Variants in MTA3 observed in about 807,000 individuals in gnomAD.
The protein encoded by MTA3 is metastasis-associated protein MTA3.
MTA3 carries 34 observed loss-of-function variants against 83.5 expected under a neutral mutation model. The observed-to-expected ratio is 0.41, with a 90% CI of 0.31 to 0.54. MTA3 has a LOEUF of 0.54. Ranked by LOEUF, MTA3 falls within the 20% of genes least tolerant of loss-of-function variation. The probability of loss-of-function intolerance (pLI) is 0.33; values close to 1 mark genes in which losing one functional copy is unlikely to be tolerated. For synonymous variants in MTA3, 303 were observed against 252.7 expected (o/e 1.20, Z -1.89); for missense variants, 761 against 726.4 (o/e 1.05, Z -0.55).
intron 16 of MTA3, among the ~76,000 whole-genome samples, chr2:42,738,040 T>C (rs542625565): frequency 7.9e-5 from 12 of 152,312 alleles, no homozygotes; most frequent in Middle Eastern, 6.8e-3. Context: ...GGCAGGCAGA[T>C]TGCTTGAGCC....
intron 8 of MTA3, among the ~76,000 whole-genome samples, chr2:42,674,191 A>G (rs751398031): frequency 5.3e-5 from 8 of 152,220 alleles, no homozygotes; most frequent in South Asian, 2.1e-4. Flanking sequence ...CTAACATCCT[A>G]TTTGCCAAGC....
At chr2:42,627,289 G>T (rs750769052) in intron 4 of MTA3, among the ~76,000 whole-genome samples, 3 of 151,962 alleles carry the variant, frequency 2.0e-5, no homozygotes, top group Non-Finnish European at 2.9e-5. Flanking sequence ...TGTTGTCCAG[G>T]GTGGTCTCTA....
At chr2:42,726,696 GA>G in intron 16 of MTA3, among the ~76,000 whole-genome samples, 1 of 151,956 alleles carries the variant, frequency 6.6e-6, no homozygotes, top group South Asian at 2.1e-4. Context: ...CTTGGCATTA[GA>G]AAAAAAAGAT....
chr2:42,504,046 T>C, intron 2 of MTA3, among the ~76,000 whole-genome samples: 1 of 148,692 alleles, frequency 6.7e-6, no homozygotes, highest in African/African-American at 2.5e-5. Flanking sequence ...GCCTCAGCCT[T>C]CTGAGTAGCT....
At position 42,682,513 on chromosome 2, in the gene MTA3, C is replaced by T; in HGVS notation, c.815C>T (p.Ser272Leu). Residue 272 changes from serine (S) to leucine (L), a missense_variant, in exon 9 of 17, where the codon TCA becomes TTA. Transcript: ENST00000405094. Reference protein sequence around the residue: ...VLCRDEMEEWSASEASLFEEA... With the variant: ...VLCRDEMEEWLASEASLFEEA... Reference sequence around the variant, plus strand: ...TGCAGAGATGAAATGGAGGAATGGTCAGCCTCTGAAGCTAGCTTATTTGAA... The same window carrying T: ...TGCAGAGATGAAATGGAGGAATGGTTAGCCTCTGAAGCTAGCTTATTTGAA... 6.2e-7 allele frequency: 1 copy of T among 1,612,536 alleles called. No individual in the cohort carries two copies. Among genetic ancestry groups the T allele is most frequent in the Non-Finnish European group, 8.5e-7 (1 of 1,179,260 alleles).
intron 2 of MTA3, among the ~76,000 whole-genome samples, chr2:42,548,814 T>TATATATATATATAATATATATATATA (rs1309527557): frequency 3.0e-5 from 1 of 33,682 alleles, no homozygotes; most frequent in Non-Finnish European, 4.9e-5. Context: ...AAAAAAAATA[T>TATATATATATATAATATATATATATA]ATATATATAT....
rs1667544799 is a variant in MTA3, at chr2:42,723,077, G to A, written c.1759+42G>A. Reference sequence around the variant, plus strand: ...ATTCTGGAGGCTGTTCTGATAGAGTGCCTTCACACTCAGGCATGTGTCTGC... The same window carrying A: ...ATTCTGGAGGCTGTTCTGATAGAGTACCTTCACACTCAGGCATGTGTCTGC... On this transcript the variant is annotated intron_variant, in intron 16 of 16. Coordinates refer to ENST00000405094, the MANE Select transcript of MTA3 (RefSeq NM_001330442.2). 2.6e-6 allele frequency: 4 copies of A among 1,541,738 alleles called. No homozygotes were observed. The South Asian group carries it at 3.6e-5, about 14-fold the overall frequency.
At chr2:42,646,624 C>T (rs1688215037) in intron 6 of MTA3, among the ~76,000 whole-genome samples, 1 of 152,170 alleles carries the variant, frequency 6.6e-6, no homozygotes, top group Admixed American at 6.5e-5. Flanking sequence ...AAGAAAACTA[C>T]AGTGAGCGTG....
At chr2:42,564,320 A>T (rs77405763), upstream of MTA3, among the ~76,000 whole-genome samples, 1,805 of 152,226 alleles carry the variant, frequency 0.012, 28 homozygotes, top group African/African-American at 0.04. Context: ...GGCATGAGGG[A>T]ACTATGGGAT....
chr2:42,581,821 C>A, intron 3 of MTA3: 2 of 255,298 alleles, frequency 7.8e-6, no homozygotes, highest in Non-Finnish European at 1.5e-5. Context: ...GGCTGGAGTG[C>A]AATGGCACGA....
chr2:42,658,889 A>G (rs1426390305), intron 7 of MTA3, among the ~76,000 whole-genome samples: 1 of 151,636 alleles, frequency 6.6e-6, no homozygotes, highest in Non-Finnish European at 1.5e-5. Context: ...AGCCTGGGCA[A>G]CATAGGGAGG....
chr2:42,562,128 T>G (rs762685009), intron 2 of MTA3, among the ~76,000 whole-genome samples: 9 of 152,212 alleles, frequency 5.9e-5, no homozygotes, highest in Admixed American at 1.3e-4. Context: ...CCCCCTTTTC[T>G]CTGTGTCTTT....
At chr2:42,541,548 A>G (rs1676516997) in intron 2 of MTA3, among the ~76,000 whole-genome samples, 1 of 152,080 alleles carries the variant, frequency 6.6e-6, no homozygotes. Flanking sequence ...CCAACTGTAG[A>G]CTACTATGTG....
upstream of MTA3, among the ~76,000 whole-genome samples, chr2:42,563,980 C>A (rs13002408): frequency 6.6e-6 from 1 of 151,832 alleles, no homozygotes; most frequent in African/African-American, 2.4e-5. Flanking sequence ...TGTGCCACCA[C>A]GCCCAGTTAA....
At chr2:42,646,938 C>T (rs144000633) in intron 6 of MTA3, among the ~76,000 whole-genome samples, 175 of 151,966 alleles carry the variant, frequency 1.2e-3, no homozygotes, top group African/African-American at 4.0e-3. Flanking sequence ...AGGCGGATCA[C>T]GAGGTCAGGC....
At chr2:42,599,832 T>C (rs1035998753) in intron 3 of MTA3, among the ~76,000 whole-genome samples, 2 of 152,126 alleles carry the variant, frequency 1.3e-5, no homozygotes, top group African/African-American at 2.4e-5. Flanking sequence ...TTCTTTTGTT[T>C]AGGTGGTTTT....
chr2:42,494,323 C>G (rs1431530341), upstream of MTA3, among the ~76,000 whole-genome samples: 1 of 152,168 alleles, frequency 6.6e-6, no homozygotes, highest in Non-Finnish European at 1.5e-5. Flanking sequence ...TGGGCAGTCC[C>G]CAGGGCCCCT....
At chr2:42,597,265 G>A (rs1372660647) in intron 3 of MTA3, among the ~76,000 whole-genome samples, 13 of 151,234 alleles carry the variant, frequency 8.6e-5, no homozygotes, top group Admixed American at 5.3e-4. Context: ...GGGTCTCACC[G>A]TGTTGCCCAG....
In MTA3 at chr2:42,605,898, C is replaced by T. The variant is rs555758587; in HGVS notation, c.191-3560C>T. ...GTTGGCCGGGCAGAGGGGCTCCTCACTTCCCAGTAGGGGCGGCCGGGCAGA... is the reference window on the plus strand; with the variant it reads ...GTTGGCCGGGCAGAGGGGCTCCTCATTTCCCAGTAGGGGCGGCCGGGCAGA... On this transcript the variant is annotated intron_variant, in intron 3 of 16. Transcript: ENST00000405094. Among the ~76,000 whole-genome samples the T allele has an allele frequency of 2.5e-3, 277 of 111,076 alleles. 3 individuals are homozygous for T. The highest frequency in any genetic ancestry group is 4.3e-3 in the Non-Finnish European group (227 of 52,264). 72.9% of individuals were successfully genotyped at this position (111,076 alleles called of 152,430 possible).
Sources: gnomAD v4.1 joint callset for allele counts (sites outside exome capture counted in the v4.1 genomes callset) on GRCh38, gnomAD v4.1.1 for gene constraint, MANE v1.5 for transcripts, NCBI Gene and HGNC (gene_info 2026-07-23, HGNC 2026-07-21) for gene names.